DLGAP1: variants seen among roughly 807,000 people sequenced by gnomAD.
DLGAP1 encodes disks large-associated protein 1.
A neutral mutation model predicts 90.8 loss-of-function variants in DLGAP1; 11 were observed. That is an observed-to-expected ratio of 0.12 (90% CI 0.08 to 0.20). DLGAP1 has a LOEUF of 0.20. Among genes scored for constraint, DLGAP1 ranks in the 10% least tolerant of loss-of-function variants. The probability of loss-of-function intolerance (pLI) is 1.00; values close to 1 mark genes in which losing one functional copy is unlikely to be tolerated. For missense variants in DLGAP1, 1,050 were observed against 1,333.8 expected, an observed-to-expected ratio of 0.79 and a Z score of 3.31; for synonymous variants, 558 against 540.7, an observed-to-expected ratio of 1.03 and a Z score of -0.44.
chr18:4,349,194 TCA>T (rs1323372524), intron 1 of DLGAP1, among the ~76,000 whole-genome samples: 1 of 152,128 alleles, frequency 6.6e-6, no homozygotes, highest in Non-Finnish European at 1.5e-5. Context: ...ACTGAGAAAG[TCA>T]CAGTGTAGCC....
intron 2 of DLGAP1, among the ~76,000 whole-genome samples, chr18:4,104,056 C>T (rs1435034498): frequency 6.6e-6 from 1 of 152,036 alleles, no homozygotes; most frequent in African/African-American, 2.4e-5. Flanking sequence ...GTTTTGTTAG[C>T]CTTTTCTAAT....
intron 5 of DLGAP1, among the ~76,000 whole-genome samples, chr18:3,781,020 G>C (rs2065166994): frequency 6.6e-6 from 1 of 152,042 alleles, no homozygotes; most frequent in South Asian, 2.1e-4. Context: ...GATGTGGTCG[G>C]TCTTGTTATG....
At chr18:3,643,000 T>C (rs553958577) in intron 7 of DLGAP1, among the ~76,000 whole-genome samples, 1 of 152,364 alleles carries the variant, frequency 6.6e-6, no homozygotes, top group Non-Finnish European at 1.5e-5. Flanking sequence ...AAGTTATTCA[T>C]TGTGGCATTA....
At chr18:3,874,537 AAAC>A (rs1239649133) in intron 4 of DLGAP1, 30 of 1,461,836 alleles carry the variant, frequency 2.1e-5, no homozygotes, top group East Asian at 1.7e-4. Flanking sequence ...AGCAAAAACA[AAAC>A]AACAACAAAA....
At chr18:4,015,822 CAAT>C (rs2074513343) in intron 2 of DLGAP1, among the ~76,000 whole-genome samples, 1 of 152,142 alleles carries the variant, frequency 6.6e-6, no homozygotes, top group Admixed American at 6.5e-5. Flanking sequence ...AAAAATCATA[CAAT>C]GATACTAATT....
At position 3,554,046 on chromosome 18, in the gene DLGAP1, T is replaced by C. The variant is rs536621302; in HGVS notation, c.2057+13444A>G. Reference sequence around the variant, plus strand: ...TGAAGCCACTGTTAAAATAGAATTGTTATTTGGAAGGAAATGGGAGATTCC... The same window carrying C: ...TGAAGCCACTGTTAAAATAGAATTGCTATTTGGAAGGAAATGGGAGATTCC... On this transcript the variant is annotated intron_variant, in intron 9 of 12. Transcript: ENST00000315677. 2.7e-3 allele frequency among the ~76,000 whole-genome samples: 405 copies of C among 152,212 alleles called. 1 individual carries two copies. Among genetic ancestry groups the C allele is most frequent in the African/African-American group, 9.3e-3 (388 of 41,534 alleles).
chr18:3,629,684 A>C (rs1265206008), intron 7 of DLGAP1, among the ~76,000 whole-genome samples: 1 of 151,724 alleles, frequency 6.6e-6, no homozygotes, highest in Non-Finnish European at 1.5e-5. Flanking sequence ...AAAATAAATA[A>C]ATAAATAAAT....
chr18:4,390,940 C>T (rs907803684), intron 1 of DLGAP1, among the ~76,000 whole-genome samples: 11 of 152,134 alleles, frequency 7.2e-5, no homozygotes, highest in South Asian at 2.1e-4. Flanking sequence ...CATCAGCCTG[C>T]GCTCATCTTG....
chr18:3,524,924 A>T (rs2051503317), intron 10 of DLGAP1, among the ~76,000 whole-genome samples: 1 of 152,108 alleles, frequency 6.6e-6, no homozygotes, highest in Non-Finnish European at 1.5e-5. Context: ...GAAAACGTGG[A>T]TCTGTTTCAT....
chr18:4,418,695 C>T (rs1446520889), intron 1 of DLGAP1, among the ~76,000 whole-genome samples: 1 of 151,976 alleles, frequency 6.6e-6, no homozygotes, highest in Non-Finnish European at 1.5e-5. Flanking sequence ...AAAAATGCAG[C>T]AGAGTATCCA....
chr18:3,760,618 A>T (rs144137891), intron 5 of DLGAP1, among the ~76,000 whole-genome samples: 1,633 of 152,204 alleles, frequency 0.011, 38 homozygotes, highest in African/African-American at 0.037. Context: ...GGTCATACAC[A>T]TGTGGGCAAA....
At chr18:3,510,890 G>A (rs1276679313) in intron 10 of DLGAP1, among the ~76,000 whole-genome samples, 2 of 152,220 alleles carry the variant, frequency 1.3e-5, no homozygotes, top group African/African-American at 2.4e-5. Context: ...CATTATTAGG[G>A]CAACATGCAA....
chr18:3,757,745 A>T (rs1007440493), intron 5 of DLGAP1, among the ~76,000 whole-genome samples: 1 of 152,226 alleles, frequency 6.6e-6, no homozygotes, highest in African/African-American at 2.4e-5. Flanking sequence ...AAACTTTTTT[A>T]ATCTCACAAA....
chr18:3,639,084 A>G (rs1049835692), intron 7 of DLGAP1, among the ~76,000 whole-genome samples: 9 of 152,164 alleles, frequency 5.9e-5, no homozygotes, highest in Non-Finnish European at 1.2e-4. Flanking sequence ...GGCCAGGCAC[A>G]GTGGCTCACG....
At chr18:4,370,268 G>A (rs1363455426) in intron 1 of DLGAP1, among the ~76,000 whole-genome samples, 1 of 152,134 alleles carries the variant, frequency 6.6e-6, no homozygotes, top group African/African-American at 2.4e-5. Flanking sequence ...TCAGGGCAAG[G>A]GAAAGAAAAG....
intron 1 of DLGAP1, among the ~76,000 whole-genome samples, chr18:4,286,483 C>T (rs892143763): frequency 3.9e-5 from 6 of 152,068 alleles, no homozygotes; most frequent in African/African-American, 1.4e-4. Flanking sequence ...GGGAGGAAGC[C>T]ACCCCCAGGA....
intron 3 of DLGAP1, among the ~76,000 whole-genome samples, chr18:3,980,651 T>G (rs1389692735): frequency 6.6e-6 from 1 of 152,216 alleles, no homozygotes; most frequent in African/African-American, 2.4e-5. Flanking sequence ...CAATTTTCAC[T>G]GCACTGTTCT....
chr18:4,197,870 T>C (rs866532941), intron 1 of DLGAP1, among the ~76,000 whole-genome samples: 1 of 152,078 alleles, frequency 6.6e-6, no homozygotes, highest in African/African-American at 2.4e-5. Context: ...AGGGCCCTCA[T>C]AGTTGCCACA....
chr18:4,251,822 A>T (rs553525110), intron 1 of DLGAP1, among the ~76,000 whole-genome samples: 1 of 152,318 alleles, frequency 6.6e-6, no homozygotes, highest in African/African-American at 2.4e-5. Flanking sequence ...TTCAGCTTAC[A>T]TGTCTCTAAG....
Sources: allele counts gnomAD v4.1 joint callset (sites outside exome capture counted in the v4.1 genomes callset), GRCh38; gene constraint gnomAD v4.1.1; transcripts MANE v1.5; gene names NCBI Gene and HGNC (gene_info 2026-07-23, HGNC 2026-07-21).